Variants in KDM5C observed in about 807,000 individuals in gnomAD.
The protein encoded by KDM5C is lysine demethylase 5C, also known as lysine-specific demethylase 5C.
A neutral mutation model predicts 110.6 loss-of-function variants in KDM5C; 16 were observed. The observed-to-expected ratio is 0.14, with a 90% CI of 0.10 to 0.22. The LOEUF is 0.22. Among genes scored for constraint, KDM5C ranks in the 10% least tolerant of loss-of-function variants. KDM5C has a pLI of 1.00. For synonymous variants in KDM5C, 511 were observed against 520.4 expected (o/e 0.98, Z 0.24); for missense variants, 681 against 1,300.9 (o/e 0.52, Z 7.33).
At chrX:53,189,824 G>A (rs1258454553), downstream of KDM5C, among the ~76,000 whole-genome samples, 1 of 112,687 alleles carries the variant, frequency 8.9e-6, no homozygotes, top group Non-Finnish European at 1.9e-5. Flanking sequence ...TTGGGGGTGG[G>A]AGGAGAGACA....
chrX:53,224,292 T>G lies in KDM5C; in HGVS notation c.150+448A>C, dbSNP rs1013609728. ...GTCACACAGCTGCTCAGCTTCAAAG[T>G]GGAGTTTTGAACTCAAGTCTGTCTC... is the stretch of plus-strand genomic sequence containing the variant. On this transcript the variant is annotated intron_variant, in intron 1 of 25. Transcript: ENST00000375401. Among the ~76,000 whole-genome samples the G allele has an allele frequency of 7.1e-5, 8 of 112,236 alleles. No homozygotes were observed. The Admixed American group carries it at 7.5e-4, about 11-fold the overall frequency.
chrX:53,222,560 C>T (rs140338774), intron 1 of KDM5C, among the ~76,000 whole-genome samples: 21 of 111,346 alleles, frequency 1.9e-4, no homozygotes, highest in African/African-American at 6.5e-4. Flanking sequence ...ACATCAAGCA[C>T]CTGACAGGAA....
Position 53,211,491 on chromosome X carries a change from A to G in KDM5C, c.1401+6T>C. On this transcript the variant is annotated splice_donor_region_variant and intron_variant, in intron 10 of 25. Coordinates refer to ENST00000375401, the MANE Select transcript of KDM5C (RefSeq NM_004187.5). ...GCTGACACGTAACCATGAATCATCC[A>G]CTCACCTCCTCTTCGGGGGTTAGGT... 2.5e-6 allele frequency: 3 copies of G among 1,209,676 alleles called. No individual in the cohort carries two copies. The highest frequency in any genetic ancestry group is 3.4e-6 in the Non-Finnish European group (3 of 894,249).
In KDM5C at chrX:53,183,631, C is replaced by T. The variant is rs113088102; in HGVS notation, c.4309-7009G>A. Among the ~76,000 whole-genome samples, 15 of 105,324 alleles carry T rather than the reference C, an allele frequency of 1.4e-4. No individual in the cohort carries two copies. In the South Asian group the frequency reaches 2.2e-3, roughly 15 times the overall value. The allele number at this position is 105,324 out of a possible 115,157, so 91.5% of individuals were successfully genotyped here. ...TCACCCAGGCTGGAGTGCAGTGGCGCGATCTCAGCTCACTGCAACCTCCGC... is the reference window on the plus strand; with the variant it reads ...TCACCCAGGCTGGAGTGCAGTGGCGTGATCTCAGCTCACTGCAACCTCCGC... On this transcript the variant is annotated intron_variant, in intron 25 of 25. Coordinates refer to the KDM5C transcript ENST00000685641.
intron 14 of KDM5C, among the ~76,000 whole-genome samples, chrX:53,199,433 C>G (rs1556840457): frequency 9.0e-6 from 1 of 111,301 alleles, no homozygotes; most frequent in Admixed American, 9.6e-5. Context: ...CAGAAAGGGT[C>G]TTGTGGGTGA....
At chrX:53,203,637 T>A (rs1452607620) in intron 12 of KDM5C, among the ~76,000 whole-genome samples, 3 of 111,851 alleles carry the variant, frequency 2.7e-5, no homozygotes, top group Non-Finnish European at 3.8e-5. Context: ...GCTATTTTTT[T>A]AAACAGTATT....
chrX:53,221,769 T>TG, intron 1 of KDM5C: 1 of 973,818 alleles, frequency 1.0e-6, no homozygotes, highest in Non-Finnish European at 1.3e-6. Flanking sequence ...CCCCAGGGGG[T>TG]GGGGGTAAGT....
Position 53,217,123 on chromosome X carries a change from C to G in KDM5C, c.657+20G>C, listed in dbSNP as rs1054862246. On this transcript the variant is annotated intron_variant, in intron 5 of 25. Coordinates refer to ENST00000375401, the MANE Select transcript of KDM5C (RefSeq NM_004187.5). ...TCCCTCCACCTCAAAGCTCTAAGTTCGAAGAAGGGGAGTACTCACATCAGG... is the reference window on the plus strand; with the variant it reads ...TCCCTCCACCTCAAAGCTCTAAGTTGGAAGAAGGGGAGTACTCACATCAGG... The G allele has an allele frequency of 8.3e-7, 1 of 1,199,990 alleles. No homozygotes were observed. The highest frequency in any genetic ancestry group is 1.1e-6 in the Non-Finnish European group (1 of 889,318).
intron 8 of KDM5C, 101 bp from the exon 9 acceptor site, chrX:53,212,007 C>T: frequency 9.7e-7 from 1 of 1,035,335 alleles, no homozygotes; most frequent in Non-Finnish European, 1.3e-6. Context: ...GAGAAGAGCC[C>T]TAGGTCTGCA....
Position 53,196,965 on chromosome X carries a change from A to C in KDM5C, c.2702T>G (p.Leu901Arg), listed in dbSNP as rs1556837627. The C allele has an allele frequency of 2.5e-6, 3 of 1,195,379 alleles. No individual in the cohort carries two copies. Among genetic ancestry groups the C allele is most frequent in the Admixed American group, 2.3e-5 (1 of 44,006 alleles). Reference protein sequence around the residue: ...LASLPSSPGLLQSLLERGRQL... With the variant: ...LASLPSSPGLRQSLLERGRQL... ...CCGCCCCCTCTCCAACAGGGACTGC[A>C]GTAGCCCTGGACTGGAGGGCAGTGA... Residue 901 changes from leucine to arginine, a missense_variant, in exon 19 of 26, where the codon CTG (leucine) becomes CGG (arginine). Leu to Arg is a moderately radical substitution (Grantham distance 102). Transcript: ENST00000375401.
chrX:53,224,675 C>G (rs1556856066), intron 1 of KDM5C, 65 bp downstream of exon 1: 5 of 1,183,193 alleles, frequency 4.2e-6, no homozygotes, highest in Non-Finnish European at 5.7e-6. Flanking sequence ...CCCCAGACTT[C>G]GCCGCTGGCT....
At chrX:53,199,469 A>G (rs1556840476) in intron 14 of KDM5C, among the ~76,000 whole-genome samples, 1 of 111,808 alleles carries the variant, frequency 8.9e-6, no homozygotes, top group Non-Finnish European at 1.9e-5. Context: ...GTGGACCAAG[A>G]TACCAGAGAG....
intron 8 of KDM5C, among the ~76,000 whole-genome samples, chrX:53,213,468 GAAGGT>G (rs1470373622): frequency 8.9e-6 from 1 of 112,177 alleles, no homozygotes; most frequent in Non-Finnish European, 1.9e-5. Flanking sequence ...GGGAAATGTA[GAAGGT>G]AAGTACCGAG....
rs2073989677 is a variant in KDM5C, at chrX:53,224,631, G to GC, written c.150+108dup. The GC allele has an allele frequency of 4.0e-6, 4 of 990,785 alleles. No individual in the cohort carries two copies. In the East Asian group the frequency reaches 1.3e-4, roughly 32 times the overall value. 81.7% of individuals were successfully genotyped at this position (990,785 alleles called of 1,213,427 possible). A position where few individuals can be genotyped will look rare whatever the true frequency, so the allele number is the denominator to read the frequency against. On this transcript the variant is annotated intron_variant, in intron 1 of 25. Coordinates refer to ENST00000375401, the MANE Select transcript of KDM5C (RefSeq NM_004187.5). The stretch of plus-strand genomic sequence containing the variant: ...CCGCGCCGCAACCACAACGGTCCCA[G>GC]CCACCCCCTCTCCCCACCTCGAGCT...
chrX:53,220,688 C>T, intron 2 of KDM5C, 151 bp downstream of exon 2: 1 of 536,014 alleles, frequency 1.9e-6, no homozygotes, highest in Admixed American at 2.7e-5. Flanking sequence ...TCTTCCACGC[C>T]CTGGGCACAC....
In KDM5C at chrX:53,193,236, G is replaced by A; in HGVS notation, c.4414C>T (p.Pro1472Ser). Residue 1472 changes from proline (P) to serine (S), a missense_variant, in exon 26 of 26, where the codon CCA (proline) becomes TCA (serine). Coordinates refer to ENST00000375401, the MANE Select transcript of KDM5C (RefSeq NM_004187.5). ...KVDRGGEGDD[P>S]AREELEPKRV... Reference sequence around the variant, plus strand: ...TTTGGCTCTAGCTCCTCTCGGGCTGGGTCATCGCCCTCCCCACCCCGATCC... The same window carrying A: ...TTTGGCTCTAGCTCCTCTCGGGCTGAGTCATCGCCCTCCCCACCCCGATCC... 8.3e-7 allele frequency: 1 copy of A among 1,209,406 alleles called. No homozygotes were observed. Among genetic ancestry groups the A allele is most frequent in the South Asian group, 1.8e-5 (1 of 56,933 alleles).
chrX:53,201,459 C>A (rs2146863112), intron 14 of KDM5C, 91 bp downstream of exon 14: 1 of 881,316 alleles, frequency 1.1e-6, no homozygotes, highest in Non-Finnish European at 1.7e-6. Flanking sequence ...TCACTATACG[C>A]CAAGAGTAGA....
chrX:53,191,840 G>A (rs1461118819), downstream of KDM5C: 1 of 174,378 alleles, frequency 5.7e-6, no homozygotes, highest in Non-Finnish European at 1.1e-5. Flanking sequence ...TCTCAATAAA[G>A]CCATTAACAA....
chrX:53,195,156 G>A, intron 21 of KDM5C, 75 bp downstream of exon 21: 1 of 1,171,814 alleles, frequency 8.5e-7, no homozygotes, highest in African/African-American at 1.8e-5. Context: ...CAAAACCCAT[G>A]TTATCTCATG....
Sources: gnomAD v4.1 joint callset for allele counts (sites outside exome capture counted in the v4.1 genomes callset) on GRCh38, gnomAD v4.1.1 for gene constraint, MANE v1.5 for transcripts, NCBI Gene and HGNC (gene_info 2026-07-23, HGNC 2026-07-21) for gene names.